The following GPSM2 variants were observed in gnomAD, a reference collection of about 807,000 sequenced individuals.
GPSM2 encodes G protein signaling modulator 2.
In GPSM2, 58 loss-of-function variants were observed where a neutral mutation model predicts 78.4. The ratio of observed to expected loss-of-function variants is 0.74; its 90% CI spans 0.60 to 0.92. The LOEUF (loss-of-function observed/expected upper bound fraction) is 0.92, where lower values mean the gene tolerates loss of function less well. Among genes scored for constraint, GPSM2 ranks in the 40% least tolerant of loss-of-function variants. The pLI, the probability that GPSM2 is intolerant of heterozygous loss-of-function variation, is 0.00. For missense variants in GPSM2, 700 were observed against 815.5 expected, an observed-to-expected ratio of 0.86 and a Z score of 1.73; for synonymous variants, 224 against 280.2, an observed-to-expected ratio of 0.80 and a Z score of 2.00.
intron 14 of GPSM2, chr1:108,926,201 G>GC (rs1468915394): frequency 2.0e-5 from 3 of 152,180 alleles, no homozygotes; most frequent in Admixed American, 2.0e-4. Flanking sequence ...ACTAGTGAGT[G>GC]CAATTGTGTA....
Position 108,931,725 on chromosome 1 carries a change from G to A in GPSM2, c.*1785G>A. ...TCCTGGATAGCATTTTAAAAACTCA[G>A]GTAAGTTTCATGGGGTTCTTATAAG... On this transcript the variant is annotated 3_prime_UTR_variant, in exon 15 of 15. Coordinates refer to ENST00000264126, the MANE Select transcript of GPSM2 (RefSeq NM_013296.5). 2.5e-6 allele frequency: 1 copy of A among 392,394 alleles called. No individual in the cohort carries two copies. The highest frequency in any genetic ancestry group is 2.1e-5 in the African/African-American group (1 of 47,686). 24.3% of individuals were successfully genotyped at this position (392,394 alleles called of 1,614,324 possible). A position where few individuals can be genotyped will look rare whatever the true frequency, so the allele number is the denominator to read the frequency against.
intron 2 of GPSM2, among the ~76,000 whole-genome samples, chr1:108,888,124 T>C (rs1297808700): frequency 6.6e-6 from 1 of 152,186 alleles, no homozygotes; most frequent in Non-Finnish European, 1.5e-5. Flanking sequence ...CAATCTCAGC[T>C]CACTGCAACC....
Position 108,922,397 on chromosome 1 carries a change from A to T in GPSM2, c.1441-20A>T, listed in dbSNP as rs1272076846. ...ATACTGGAATATTCAAATAAACTAGACTTCCTCTCAATATTTTAGAAAATC... is the reference window on the plus strand; with the variant it reads ...ATACTGGAATATTCAAATAAACTAGTCTTCCTCTCAATATTTTAGAAAATC... On this transcript the variant is annotated intron_variant, in intron 12 of 14. Transcript: ENST00000264126. 5.1e-6 allele frequency: 8 copies of T among 1,563,868 alleles called. No homozygotes were observed. Among genetic ancestry groups the T allele is most frequent in the Non-Finnish European group, 8.8e-7 (1 of 1,134,440 alleles).
rs780493936 is a variant in GPSM2 at position 108,929,919 on chromosome 1, G to GA, written c.2040dup (p.Ser681IlefsTer44). The GA allele has an allele frequency of 1.9e-5, 31 of 1,613,130 alleles. No homozygotes were observed. In the Admixed American group the frequency reaches 3.3e-4, roughly 17 times the overall value. Reference sequence around the variant, plus strand: ...CTTTGTTGGAGTTTAAAAATTCAGGGAAAAAATCGGCAGACCATTAGTTAC... The same window carrying GA: ...CTTTGTTGGAGTTTAAAAATTCAGGGAAAAAAATCGGCAGACCATTAGTTAC... On this transcript the variant is annotated frameshift_variant, in exon 15 of 15. Coordinates refer to ENST00000264126, the MANE Select transcript of GPSM2 (RefSeq NM_013296.5). LOFTEE classifies it high-confidence loss of function.
At chr1:108,891,482 C>T (rs1202951909) in intron 2 of GPSM2, among the ~76,000 whole-genome samples, 1 of 151,958 alleles carries the variant, frequency 6.6e-6, no homozygotes, top group Non-Finnish European at 1.5e-5. Flanking sequence ...CAATACCTAT[C>T]TTAGAAGGTT....
chr1:108,923,987 C>A lies in GPSM2; in HGVS notation c.1601-13C>A. The A allele has an allele frequency of 2.6e-6, 4 of 1,544,994 alleles. No individual in the cohort carries two copies. The highest frequency in any genetic ancestry group is 1.4e-5 in the African/African-American group (1 of 73,590). Reference sequence around the variant, plus strand: ...TTTTTTTTTAATCTTTGGCTTTCTTCTTCTGTTCTTAGCATCATCTGTTCC... The same window carrying A: ...TTTTTTTTTAATCTTTGGCTTTCTTATTCTGTTCTTAGCATCATCTGTTCC... On this transcript the variant is annotated splice_polypyrimidine_tract_variant and intron_variant, in intron 13 of 14. Coordinates refer to ENST00000264126, the MANE Select transcript of GPSM2 (RefSeq NM_013296.5).
chr1:108,920,985 G>A (rs1036072878), intron 12 of GPSM2, among the ~76,000 whole-genome samples: 11 of 152,064 alleles, frequency 7.2e-5, no homozygotes, highest in Admixed American at 2.0e-4. Flanking sequence ...AATTCAACAC[G>A]TTAAAAACGT....
chr1:108,909,435 T>TAAGATA (rs1336759101), intron 10 of GPSM2, among the ~76,000 whole-genome samples: 3 of 152,190 alleles, frequency 2.0e-5, no homozygotes, highest in Non-Finnish European at 4.4e-5. Flanking sequence ...TAGAAATTAA[T>TAAGATA]AAGATAATAT....
intron 2 of GPSM2, among the ~76,000 whole-genome samples, chr1:108,886,550 T>C (rs1647564436): frequency 6.6e-6 from 1 of 152,216 alleles, no homozygotes; most frequent in Non-Finnish European, 1.5e-5. Flanking sequence ...CCAAATGGAT[T>C]GTCTACATTC....
chr1:108,887,338 G>A (rs1407049480), intron 2 of GPSM2, among the ~76,000 whole-genome samples: 1 of 152,116 alleles, frequency 6.6e-6, no homozygotes, highest in African/African-American at 2.4e-5. Flanking sequence ...CAGGCAGGTG[G>A]GGGAGGTAGA....
chr1:108,899,854 A>C (rs950419237), intron 7 of GPSM2, among the ~76,000 whole-genome samples: 1 of 152,248 alleles, frequency 6.6e-6, no homozygotes, highest in Non-Finnish European at 1.5e-5. Flanking sequence ...ATCTAAAAAA[A>C]TTAAATAGCA....
intron 10 of GPSM2, among the ~76,000 whole-genome samples, chr1:108,913,225 C>G (rs770962778): frequency 3.9e-5 from 6 of 152,162 alleles, no homozygotes; most frequent in Non-Finnish European, 8.8e-5. Context: ...ACCCACCAAA[C>G]TAGAAGAAAT....
chr1:108,917,611 CATATAT>C lies in GPSM2; in HGVS notation c.1264-952_1264-947del, dbSNP rs55909258. ...ACAAATGTATACACACACACACACA[CATATAT>C]ATATATATATATATATATATATATA... is the stretch of plus-strand genomic sequence containing the variant. On this transcript the variant is annotated intron_variant, in intron 11 of 14. Coordinates refer to ENST00000264126, the MANE Select transcript of GPSM2 (RefSeq NM_013296.5). 9.2e-3 allele frequency among the ~76,000 whole-genome samples: 205 copies of C among 22,338 alleles called. 2 individuals are homozygous for C. Among genetic ancestry groups the C allele is most frequent in the Admixed American group, 0.019 (30 of 1,558 alleles). 14.7% of individuals were successfully genotyped at this position (22,338 alleles called of 152,430 possible). A position where few individuals can be genotyped will look rare whatever the true frequency, so the allele number is the denominator to read the frequency against.
Position 108,915,263 on chromosome 1 carries a change from C to T in GPSM2, c.1263+855C>T, listed in dbSNP as rs527672814. Among the ~76,000 whole-genome samples the T allele has an allele frequency of 2.0e-4, 30 of 147,696 alleles. No individual in the cohort carries two copies. The South Asian group carries it at 2.4e-3, about 12-fold the overall frequency. On this transcript the variant is annotated intron_variant, in intron 11 of 14. Coordinates refer to ENST00000264126, the MANE Select transcript of GPSM2 (RefSeq NM_013296.5). ...GTGTCCGCCTATAGTCCCAGCTACT[C>T]GGGAGGCTGAGGCAGGAGAATCGCT...
In GPSM2 at chr1:108,897,888, A is replaced by ATATT. The variant is rs770404966; in HGVS notation, c.415-70_415-67dup. On this transcript the variant is annotated intron_variant, in intron 4 of 14. Coordinates refer to ENST00000264126, the MANE Select transcript of GPSM2 (RefSeq NM_013296.5). The stretch of plus-strand genomic sequence containing the variant: ...TTTTCCCTTGTCCGTAATACTAAGG[A>ATATT]TATTACAAATATATATGATAAACCT... The ATATT allele has an allele frequency of 4.4e-5, 65 of 1,482,140 alleles. No homozygotes were observed. In the Middle Eastern group the frequency reaches 1.6e-3, roughly 37 times the overall value. The allele number at this position is 1,482,140 out of a possible 1,614,324, so 91.8% of individuals were successfully genotyped here.
At chr1:108,921,386 C>A (rs910172560) in intron 12 of GPSM2, among the ~76,000 whole-genome samples, 34 of 148,760 alleles carry the variant, frequency 2.3e-4, no homozygotes, top group African/African-American at 8.2e-4. Context: ...TACCACTGCA[C>A]TTCAGCCTGG....
intron 12 of GPSM2, among the ~76,000 whole-genome samples, chr1:108,920,507 T>A (rs1650621155): frequency 1.3e-5 from 2 of 151,324 alleles, no homozygotes; most frequent in Non-Finnish European, 1.5e-5. Context: ...TTTCCAGCAA[T>A]GAGAGCCTTT....
chr1:108,929,700 G>A lies in GPSM2; in HGVS notation c.1816-1G>A. 2 of 1,612,990 alleles carry A rather than the reference G, an allele frequency of 1.2e-6. No homozygotes were observed. Among genetic ancestry groups the A allele is most frequent in the Non-Finnish European group, 1.7e-6 (2 of 1,179,194 alleles). ...TTTTAATCTCTCTCATAAACTTCTA[G>A]GGATCCAGATTAGATGATCAAAGAT... On this transcript the variant is annotated splice_acceptor_variant, in intron 14 of 14. Coordinates refer to ENST00000264126, the MANE Select transcript of GPSM2 (RefSeq NM_013296.5). LOFTEE classifies it high-confidence loss of function.
intron 2 of GPSM2, among the ~76,000 whole-genome samples, chr1:108,894,117 C>A (rs1648179310): frequency 6.6e-6 from 1 of 152,066 alleles, no homozygotes; most frequent in South Asian, 2.1e-4. Flanking sequence ...ATGACAATAA[C>A]TTCATAAAAT....
Sources: gnomAD v4.1 joint callset for allele counts (sites outside exome capture counted in the v4.1 genomes callset) on GRCh38, gnomAD v4.1.1 for gene constraint, MANE v1.5 for transcripts, NCBI Gene and HGNC (gene_info 2026-07-23, HGNC 2026-07-21) for gene names.